IL19: variants seen among roughly 807,000 people sequenced by gnomAD.
IL19 encodes the protein interleukin-19.
IL19 carries 15 observed loss-of-function variants against 19.5 expected under a neutral mutation model. That is an observed-to-expected ratio of 0.77 (90% confidence interval 0.52 to 1.19). The LOEUF is 1.19. IL19 is among the 50% of genes most tolerant of loss of function. The pLI is 0.00. For synonymous variants in IL19, 78 were observed against 78.3 expected, an observed-to-expected ratio of 1.00 and a Z score of 0.02; for missense variants, 199 against 213.1, an observed-to-expected ratio of 0.93 and a Z score of 0.41.
rs187428751 is a variant in IL19 at position 206,791,572 on chromosome 1, G to A, written c.-148-7289G>A. ...CCCGCCTTGGCCTCCCAAAGTGCTG[G>A]GATTACAGGCATGAGCCACCATGCC... On this transcript the variant is annotated intron_variant, in intron 1 of 6. Transcript: ENST00000659997. 2.5e-3 allele frequency among the ~76,000 whole-genome samples: 380 copies of A among 152,290 alleles called. 3 individuals carry two copies. The highest frequency in any genetic ancestry group is 7.1e-4 in the Non-Finnish European group (48 of 68,032).
chr1:206,816,768 C>G (rs750058445), intron 2 of IL19, among the ~76,000 whole-genome samples: 1 of 151,952 alleles, frequency 6.6e-6, no homozygotes, highest in Non-Finnish European at 1.5e-5. Flanking sequence ...AAAGAAAATA[C>G]GTGAGAACAA....
At position 206,842,568 on chromosome 1, in the gene IL19, C is replaced by T. The variant is rs540963634; in HGVS notation, c.480C>T (p.Leu160=). ...CTGCCATTAAATCCCTGGGAGAGCT[C>T]GACGTCTTTCTAGCCTGGATTAATA... ...HAAAIKSLGE[L]DVFLAWINKN... Residue 160 remains leucine, a synonymous_variant, in exon 7 of 7, where the codon CTC becomes CTT. Coordinates refer to ENST00000659997, the MANE Select transcript of IL19 (RefSeq NM_153758.5). The T allele has an allele frequency of 2.0e-5, 32 of 1,576,952 alleles. No homozygotes were observed. The highest frequency in any genetic ancestry group is 1.7e-4 in the Middle Eastern group (1 of 6,008).
At chr1:206,832,832 T>A (rs1226876171) in intron 2 of IL19, among the ~76,000 whole-genome samples, 1 of 152,204 alleles carries the variant, frequency 6.6e-6, no homozygotes, top group Non-Finnish European at 1.5e-5. Flanking sequence ...CTTACCATTT[T>A]ATTATGTCCA....
Position 206,811,536 on chromosome 1 carries a change from T to TCTTGATTG in IL19, c.-3+12531_-3+12538dup, listed in dbSNP as rs546452193. 8.8e-4 allele frequency among the ~76,000 whole-genome samples: 133 copies of TCTTGATTG among 151,882 alleles called. 1 individual carries two copies. Among genetic ancestry groups the TCTTGATTG allele is most frequent in the East Asian group, 5.0e-3 (26 of 5,170 alleles). On this transcript the variant is annotated intron_variant, in intron 2 of 6. Coordinates refer to ENST00000659997, the MANE Select transcript of IL19 (RefSeq NM_153758.5). ...CTAGGCCAGTTCCAGACTTAGAATCTCTTGATTGAAGGTGGACAAATGACG... is the reference window on the plus strand; with the variant it reads ...CTAGGCCAGTTCCAGACTTAGAATCTCTTGATTGCTTGATTGAAGGTGGACAAATGACG...
chr1:206,821,438 T>C (rs1026139633), intron 2 of IL19, among the ~76,000 whole-genome samples: 1 of 152,242 alleles, frequency 6.6e-6, no homozygotes, highest in Non-Finnish European at 1.5e-5. Flanking sequence ...GGCTTTCAGG[T>C]GTAGAGCTGT....
chr1:206,826,609 TG>T (rs1225927817), intron 2 of IL19, among the ~76,000 whole-genome samples: 1 of 152,246 alleles, frequency 6.6e-6, no homozygotes, highest in African/African-American at 2.4e-5. Flanking sequence ...CCCAGGGCTC[TG>T]GGGTGAAGCC....
chr1:206,778,774 G>C (rs1675066409), intron 1 of IL19, among the ~76,000 whole-genome samples: 1 of 152,118 alleles, frequency 6.6e-6, no homozygotes, highest in African/African-American at 2.4e-5. Flanking sequence ...TCAGTAAATG[G>C]AACTATCAAT....
At chr1:206,833,633 T>C (rs926723401) in intron 2 of IL19, 5 of 982,808 alleles carry the variant, frequency 5.1e-6, no homozygotes, top group Non-Finnish European at 6.0e-6. Context: ...GTAATTTAGT[T>C]AGAGAGTCTT....
At position 206,815,513 on chromosome 1, in the gene IL19, A is replaced by G. The variant is rs114632604; in HGVS notation, c.-3+16507A>G. Among the ~76,000 whole-genome samples the G allele has an allele frequency of 9.6e-3, 1,457 of 152,326 alleles. 16 individuals carry two copies. The highest frequency in any genetic ancestry group is 0.017 in the Middle Eastern group (5 of 294). ...CTTTGGATTGGGTGGATTTAGTCACACAAGTCCTTTTAAAATCCTGAGTTA... is the reference window on the plus strand; with the variant it reads ...CTTTGGATTGGGTGGATTTAGTCACGCAAGTCCTTTTAAAATCCTGAGTTA... On this transcript the variant is annotated intron_variant, in intron 2 of 6. Coordinates refer to ENST00000659997, the MANE Select transcript of IL19 (RefSeq NM_153758.5).
chr1:206,833,825 G>C (rs775405848), intron 2 of IL19: 11 of 985,444 alleles, frequency 1.1e-5, no homozygotes, highest in South Asian at 4.7e-5. Flanking sequence ...AGGGGAAAAA[G>C]TGTTCCTCAT....
chr1:206,781,438 A>AG (rs1572544995), intron 1 of IL19, among the ~76,000 whole-genome samples: 1 of 146,186 alleles, frequency 6.8e-6, no homozygotes, highest in African/African-American at 2.5e-5. Context: ...AAAAAAAAAA[A>AG]GAAAAAAAAA....
At chr1:206,795,563 C>T (rs1675502724) in intron 1 of IL19, among the ~76,000 whole-genome samples, 1 of 152,200 alleles carries the variant, frequency 6.6e-6, no homozygotes, top group Admixed American at 6.5e-5. Context: ...GGATTGTGAA[C>T]TGTAGAATGC....
intron 2 of IL19, chr1:206,834,020 G>T (rs1011213616): frequency 3.5e-5 from 34 of 985,318 alleles, no homozygotes; most frequent in Non-Finnish European, 4.0e-5. Flanking sequence ...GGCCTGCAGG[G>T]TACACTTGGT....
intron 1 of IL19, among the ~76,000 whole-genome samples, chr1:206,793,769 TCA>T (rs1269400056): frequency 2.6e-5 from 4 of 152,270 alleles, no homozygotes; most frequent in East Asian, 3.8e-4. Flanking sequence ...ACTCGATTAG[TCA>T]CAGTCATAGT....
chr1:206,772,242 G>A (rs1472452994), intron 1 of IL19: 1 of 1,605,282 alleles, frequency 6.2e-7, no homozygotes, highest in Admixed American at 1.7e-5. Context: ...CCCAGGAAGA[G>A]AGAAAGGACA....
chr1:206,822,168 A>C (rs945711447), intron 2 of IL19, among the ~76,000 whole-genome samples: 3 of 152,148 alleles, frequency 2.0e-5, no homozygotes, highest in Non-Finnish European at 2.9e-5. Context: ...CCTCGAGAGA[A>C]TGAGCGGGGC....
At chr1:206,818,995 T>C (rs1676229404) in intron 2 of IL19, among the ~76,000 whole-genome samples, 1 of 151,796 alleles carries the variant, frequency 6.6e-6, no homozygotes, top group African/African-American at 2.4e-5. Flanking sequence ...GTATTTTTAG[T>C]AGAGATGGGG....
At chr1:206,776,173 G>T (rs185946936) in intron 1 of IL19, among the ~76,000 whole-genome samples, 68 of 152,262 alleles carry the variant, frequency 4.5e-4, no homozygotes, top group African/African-American at 1.6e-3. Context: ...AAAAGAGGGG[G>T]TTGTATTTTA....
intron 1 of IL19, among the ~76,000 whole-genome samples, chr1:206,776,176 G>T (rs1674985993): frequency 6.6e-6 from 1 of 152,108 alleles, no homozygotes; most frequent in Non-Finnish European, 1.5e-5. Flanking sequence ...AGAGGGGGTT[G>T]TATTTTATTT....
Sources: gnomAD v4.1 joint callset for allele counts (sites outside exome capture counted in the v4.1 genomes callset) on GRCh38, gnomAD v4.1.1 for gene constraint, MANE v1.5 for transcripts, NCBI Gene and HGNC (gene_info 2026-07-23, HGNC 2026-07-21) for gene names.